Variants in ADAMTS3 observed in about 807,000 individuals in gnomAD.
ADAMTS3 encodes ADAM metallopeptidase with thrombospondin type 1 motif 3.
Under a neutral mutation model 129.0 loss-of-function variants are expected in ADAMTS3, and 73 were observed. The ratio of observed to expected loss-of-function variants is 0.57; its 90% CI spans 0.47 to 0.69. The LOEUF (loss-of-function observed/expected upper bound fraction) is 0.69. Ranked by LOEUF, ADAMTS3 falls within the 30% of genes least tolerant of loss-of-function variation. The pLI, the probability that ADAMTS3 is intolerant of heterozygous loss-of-function variation, is 0.00. For missense variants in ADAMTS3, 1,457 were observed against 1,514.5 expected (o/e 0.96, Z 0.63); for synonymous variants, 477 against 510.8 (o/e 0.93, Z 0.89).
chr4:72,528,705 T>C (rs1441579426), intron 3 of ADAMTS3, among the ~76,000 whole-genome samples: 4 of 152,060 alleles, frequency 2.6e-5, no homozygotes, highest in Admixed American at 2.6e-4. Context: ...TTCGTAACAC[T>C]CTCTTTATTT....
At chr4:72,397,327 G>A (rs1014395341) in intron 4 of ADAMTS3, among the ~76,000 whole-genome samples, 1 of 152,088 alleles carries the variant, frequency 6.6e-6, no homozygotes, top group Non-Finnish European at 1.5e-5. Flanking sequence ...CACTTTGGGA[G>A]GCCGAGGTGG....
intron 3 of ADAMTS3, among the ~76,000 whole-genome samples, chr4:72,485,726 A>G (rs1719573425): frequency 6.6e-6 from 1 of 152,166 alleles, no homozygotes; most frequent in South Asian, 2.1e-4. Context: ...CTATGGTCTG[A>G]ATGTTAGCAT....
chr4:72,437,256 G>C (rs1362655018), intron 3 of ADAMTS3, among the ~76,000 whole-genome samples: 1 of 151,802 alleles, frequency 6.6e-6, no homozygotes, highest in African/African-American at 2.4e-5. Flanking sequence ...TACATATTTA[G>C]GAAGTACAAA....
chr4:72,418,654 C>T (rs1208543480), intron 3 of ADAMTS3, among the ~76,000 whole-genome samples: 4 of 152,202 alleles, frequency 2.6e-5, no homozygotes, highest in Non-Finnish European at 4.4e-5. Flanking sequence ...AGTTGCATGG[C>T]TCACAGCCAG....
chr4:72,361,790 T>A (rs1035130842), intron 4 of ADAMTS3, among the ~76,000 whole-genome samples: 3 of 152,052 alleles, frequency 2.0e-5, no homozygotes, highest in African/African-American at 7.2e-5. Context: ...TCTCTAACAA[T>A]CATCTTATGC....
intron 4 of ADAMTS3, among the ~76,000 whole-genome samples, chr4:72,413,846 C>T (rs546803404): frequency 6.6e-6 from 1 of 151,860 alleles, no homozygotes; most frequent in South Asian, 2.1e-4. Flanking sequence ...TAATATAGTC[C>T]TGTTGTTTCA....
intron 3 of ADAMTS3, among the ~76,000 whole-genome samples, chr4:72,425,546 C>T (rs994855875): frequency 2.6e-5 from 4 of 152,218 alleles, no homozygotes; most frequent in Non-Finnish European, 5.9e-5. Flanking sequence ...CATGTGTTCT[C>T]ATTGTTCAAT....
intron 2 of ADAMTS3, among the ~76,000 whole-genome samples, chr4:72,559,102 G>A (rs536760511): frequency 6.6e-6 from 1 of 151,700 alleles, no homozygotes; most frequent in East Asian, 1.9e-4. Flanking sequence ...AAGAGAAAGA[G>A]GGAATAAGAG....
At chr4:72,558,973 G>C (rs113855902) in intron 2 of ADAMTS3, among the ~76,000 whole-genome samples, 1 of 151,738 alleles carries the variant, frequency 6.6e-6, no homozygotes, top group South Asian at 2.1e-4. Flanking sequence ...TGACAGCCTG[G>C]AGATGACAGC....
intron 4 of ADAMTS3, among the ~76,000 whole-genome samples, chr4:72,390,871 T>C (rs1002500410): frequency 3.4e-5 from 5 of 146,256 alleles, no homozygotes; most frequent in Non-Finnish European, 6.0e-5. Context: ...TGACTCCTTT[T>C]TCCTAGGTTC....
At chr4:72,384,450 G>A (rs1004753047) in intron 4 of ADAMTS3, among the ~76,000 whole-genome samples, 3 of 152,162 alleles carry the variant, frequency 2.0e-5, no homozygotes, top group Non-Finnish European at 4.4e-5. Flanking sequence ...GGAGAATAAT[G>A]TTACGAGTTA....
intron 4 of ADAMTS3, among the ~76,000 whole-genome samples, chr4:72,367,193 A>T (rs1720890187): frequency 6.6e-6 from 1 of 152,082 alleles, no homozygotes; most frequent in Non-Finnish European, 1.5e-5. Flanking sequence ...ATACTTCTCT[A>T]AATTTGATAA....
At chr4:72,324,754 T>C (rs1719658309) in intron 5 of ADAMTS3, among the ~76,000 whole-genome samples, 1 of 152,140 alleles carries the variant, frequency 6.6e-6, no homozygotes, top group Non-Finnish European at 1.5e-5. Flanking sequence ...CCTGAAGTAT[T>C]GAGTGCATTT....
intron 4 of ADAMTS3, among the ~76,000 whole-genome samples, chr4:72,368,423 T>A (rs1720924539): frequency 6.6e-6 from 1 of 152,112 alleles, no homozygotes; most frequent in South Asian, 2.1e-4. Flanking sequence ...TCGAACATTT[T>A]AAAAAAAGAA....
chr4:72,462,493 A>T (rs1027780024), intron 3 of ADAMTS3, among the ~76,000 whole-genome samples: 9 of 151,968 alleles, frequency 5.9e-5, no homozygotes, highest in Non-Finnish European at 4.4e-5. Flanking sequence ...GTACGGTCAC[A>T]CACCACAAAA....
chr4:72,568,584 A>G, intron 1 of ADAMTS3, 110 bp downstream of exon 1: 3 of 841,638 alleles, frequency 3.6e-6, no homozygotes, highest in Non-Finnish European at 5.7e-6. Flanking sequence ...AAAAGATAAC[A>G]GGGAAGGGTG....
chr4:72,564,030 G>A (rs908108638), intron 2 of ADAMTS3, among the ~76,000 whole-genome samples: 1 of 152,130 alleles, frequency 6.6e-6, no homozygotes, highest in African/African-American at 2.4e-5. Flanking sequence ...AGATATCTGA[G>A]AGAGTAAGAT....
At chr4:72,437,739 GATT>G (rs1717987601) in intron 3 of ADAMTS3, among the ~76,000 whole-genome samples, 1 of 151,638 alleles carries the variant, frequency 6.6e-6, no homozygotes, top group Non-Finnish European at 1.5e-5. Context: ...ATGTGGCTTT[GATT>G]ATTTTCACTA....
In ADAMTS3 at chr4:72,295,684, A is replaced by G; in HGVS notation, c.2693T>C (p.Met898Thr). The G allele has an allele frequency of 6.2e-7, 1 of 1,612,956 alleles. No individual in the cohort carries two copies. The highest frequency in any genetic ancestry group is 1.3e-5 in the African/African-American group (1 of 75,010). Residue 898 changes from methionine (M) to threonine (T), a missense_variant, in exon 19 of 22, where the codon ATG becomes ACG. Transcript: ENST00000286657. The part of the protein sequence containing the change: ...ANKKPKPIRR[M>T]CNIQECTHPL... ...ATGTGTACACTCTTGAATATTGCAC[A>G]TTCGTCTAATAGGTTTCGGCTTTTT...
Sources: allele counts gnomAD v4.1 joint callset (sites outside exome capture counted in the v4.1 genomes callset), GRCh38; gene constraint gnomAD v4.1.1; transcripts MANE v1.5; gene names NCBI Gene and HGNC (gene_info 2026-07-23, HGNC 2026-07-21).